Variants in USP26 observed in about 807,000 individuals in gnomAD.
USP26 encodes the protein ubiquitin carboxyl-terminal hydrolase 26.
For missense variants in USP26, 649 were observed against 642.3 expected, an observed-to-expected ratio of 1.01 and a Z score of -0.11; for synonymous variants, 236 against 240.6, an observed-to-expected ratio of 0.98 and a Z score of 0.18.
chrX:133,041,584 C>T (rs1364635450), intron 5 of USP26, among the ~76,000 whole-genome samples: 1 of 112,027 alleles, frequency 8.9e-6, no homozygotes, highest in Non-Finnish European at 1.9e-5. Context: ...CCCAGAGGTG[C>T]ACCAGCCTGA....
intron 5 of USP26, among the ~76,000 whole-genome samples, chrX:133,059,181 T>C (rs2067486787): frequency 1.8e-5 from 2 of 110,895 alleles, no homozygotes; most frequent in South Asian, 7.8e-4. Context: ...TCTCCTTTCA[T>C]CCCCTCTCCT....
At chrX:133,061,037 C>T (rs1440926516) in intron 5 of USP26, among the ~76,000 whole-genome samples, 1 of 111,526 alleles carries the variant, frequency 9.0e-6, no homozygotes. Flanking sequence ...ATTCAAGCAT[C>T]CAAGGATTTT....
intron 5 of USP26, among the ~76,000 whole-genome samples, chrX:133,041,167 A>G (rs1193421638): frequency 9.0e-6 from 1 of 110,801 alleles, no homozygotes. Flanking sequence ...GTTTGTTATT[A>G]CCCACCTTCT....
At chrX:133,093,980 CAAAAAAAA>C (rs11327414) in intron 1 of USP26, among the ~76,000 whole-genome samples, 2 of 24,938 alleles carry the variant, frequency 8.0e-5, no homozygotes, top group Admixed American at 6.8e-4. Context: ...GACCCTGTCT[CAAAAAAAA>C]AAAAAAAAAA....
chrX:133,052,491 A>T (rs1191877869), intron 5 of USP26, among the ~76,000 whole-genome samples: 1 of 112,654 alleles, frequency 8.9e-6, no homozygotes, highest in Non-Finnish European at 1.9e-5. Flanking sequence ...TTTTATTCCT[A>T]TTAAAGTCTA....
At chrX:133,065,344 T>C (rs1024157980) in intron 5 of USP26, among the ~76,000 whole-genome samples, 3 of 111,023 alleles carry the variant, frequency 2.7e-5, no homozygotes, top group Non-Finnish European at 5.7e-5. Flanking sequence ...TTCCAAACAA[T>C]AGAAAAAGAG....
chrX:133,092,754 T>C (rs2067612255), intron 1 of USP26, among the ~76,000 whole-genome samples: 1 of 111,803 alleles, frequency 8.9e-6, no homozygotes, highest in Non-Finnish European at 1.9e-5. Context: ...TCAGGATCTA[T>C]GAGGCTAGTT....
At chrX:133,030,694 G>C (rs896063851) in intron 5 of USP26, among the ~76,000 whole-genome samples, 1 of 112,239 alleles carries the variant, frequency 8.9e-6, no homozygotes, top group Non-Finnish European at 1.9e-5. Flanking sequence ...ATTTCAAGAG[G>C]TAGAAGAACT....
At position 133,028,282 on chromosome X, in the gene USP26, G is replaced by T. The variant is rs1221918877; in HGVS notation, c.-62C>A. 1.7e-6 allele frequency: 2 copies of T among 1,155,962 alleles called. No individual in the cohort carries two copies. Among genetic ancestry groups the T allele is most frequent in the South Asian group, 3.7e-5 (2 of 54,538 alleles). ...ATTGATAATCTTGAAGTTCCAATCT[G>T]TTTTGCAAGTTCAGCTGTGAAGACA... On this transcript the variant is annotated 5_prime_UTR_variant, in exon 6 of 6. Transcript: ENST00000511190.
chrX:133,094,863 G>A (rs1231757647), intron 1 of USP26, among the ~76,000 whole-genome samples: 1 of 111,311 alleles, frequency 9.0e-6, no homozygotes, highest in Non-Finnish European at 1.9e-5. Flanking sequence ...GGAAAGCCGA[G>A]GAGGGTGGAT....
chrX:133,085,801 A>G (rs1406863744), intron 4 of USP26, among the ~76,000 whole-genome samples: 1 of 111,228 alleles, frequency 9.0e-6, no homozygotes, highest in East Asian at 2.8e-4. Flanking sequence ...AAATAAGGTC[A>G]TTTTCTACAA....
intron 5 of USP26, among the ~76,000 whole-genome samples, chrX:133,048,750 G>A (rs1204296079): frequency 9.0e-6 from 1 of 111,539 alleles, no homozygotes; most frequent in Non-Finnish European, 1.9e-5. Context: ...GTTTCACCGT[G>A]TTAGCCAGGA....
intron 5 of USP26, among the ~76,000 whole-genome samples, chrX:133,033,885 T>G (rs1463077589): frequency 8.9e-6 from 1 of 111,975 alleles, no homozygotes; most frequent in Non-Finnish European, 1.9e-5. Context: ...CAACGGAAAA[T>G]GTCTTAATTA....
rs1222103182 is a variant in USP26 at position 133,025,499 on chromosome X, C to T, written c.2722G>A (p.Glu908Lys). 1.2e-5 allele frequency: 15 copies of T among 1,209,160 alleles called. No homozygotes were observed. Among genetic ancestry groups the T allele is most frequent in the Non-Finnish European group, 1.7e-5 (15 of 894,885 alleles). The stretch of plus-strand genomic sequence containing the variant: ...TCCTCTTATTCCTTCTGAAGGGTCT[C>T]CTCTACCTCCTTGCTATTAAGCTGG... ...NAQLNSKEVE[E>K]TLQKE is the part of the protein sequence containing the mutation. Residue 908 changes from glutamate to lysine, a missense_variant, in exon 6 of 6, where the codon GAG becomes AAG. By Grantham distance (56) the Glu-to-Lys change is moderately conservative (BLOSUM62 1). Coordinates refer to ENST00000511190, the MANE Select transcript of USP26 (RefSeq NM_031907.3).
At chrX:133,076,388 G>T (rs1459139745) in intron 5 of USP26, among the ~76,000 whole-genome samples, 1 of 111,097 alleles carries the variant, frequency 9.0e-6, no homozygotes, top group African/African-American at 3.3e-5. Context: ...TCAGAAGAGA[G>T]TACTGCTGAT....
intron 1 of USP26, among the ~76,000 whole-genome samples, chrX:133,091,756 G>A (rs995894561): frequency 1.8e-5 from 2 of 111,565 alleles, no homozygotes; most frequent in Non-Finnish European, 3.8e-5. Flanking sequence ...ACAGGGGACA[G>A]GAGGAGGGGG....
intron 5 of USP26, among the ~76,000 whole-genome samples, chrX:133,078,642 A>T (rs1192410473): frequency 8.9e-6 from 1 of 112,376 alleles, no homozygotes; most frequent in East Asian, 2.8e-4. Context: ...AACAAGCAAA[A>T]TCATTTGCCT....
intron 5 of USP26, among the ~76,000 whole-genome samples, chrX:133,051,389 A>C (rs758084606): frequency 4.5e-5 from 5 of 111,952 alleles, no homozygotes; most frequent in Non-Finnish European, 9.4e-5. Flanking sequence ...GATGAAATAC[A>C]ACCAGAATTG....
intron 5 of USP26, among the ~76,000 whole-genome samples, chrX:133,062,729 C>A (rs2067497672): frequency 9.0e-6 from 1 of 110,630 alleles, no homozygotes; most frequent in Non-Finnish European, 1.9e-5. Flanking sequence ...AAAAAGGACC[C>A]CCCCGCCACA....
Sources: allele counts gnomAD v4.1 joint callset (sites outside exome capture counted in the v4.1 genomes callset), GRCh38; gene constraint gnomAD v4.1.1; transcripts MANE v1.5; gene names NCBI Gene and HGNC (gene_info 2026-07-23, HGNC 2026-07-21).